The following KLHDC4 variants were observed in gnomAD, a reference collection of about 807,000 sequenced individuals.
The protein encoded by KLHDC4 is kelch domain-containing protein 4.
A neutral mutation model predicts 62.4 loss-of-function variants in KLHDC4; 90 were observed. The ratio of observed to expected loss-of-function variants is 1.44; its 90% CI spans 1.22 to 1.72. KLHDC4 has a LOEUF of 1.72. KLHDC4 is among the 40% of genes most tolerant of loss of function. The pLI is 0.00. For missense variants in KLHDC4, 1,025 were observed against 699.7 expected (o/e 1.47, Z -5.25); for synonymous variants, 386 against 284.4 (o/e 1.36, Z -3.59).
At position 87,719,994 on chromosome 16, in the gene KLHDC4, CCT is replaced by C. The variant is rs914840781; in HGVS notation, c.760-5423_760-5422del. Reference sequence around the variant, plus strand: ...CCTAGCTTAGCCTGCAGCCACATCCCCTGATGAGACCCCACCTCCCGCAGAAG... The same window carrying C: ...CCTAGCTTAGCCTGCAGCCACATCCCGATGAGACCCCACCTCCCGCAGAAG... On this transcript the variant is annotated intron_variant, in intron 7 of 11. Coordinates refer to ENST00000270583, the MANE Select transcript of KLHDC4 (RefSeq NM_017566.4). Among the ~76,000 whole-genome samples, 82 of 152,354 alleles carry C rather than the reference CCT, an allele frequency of 5.4e-4. 1 individual carries two copies. Among genetic ancestry groups the C allele is most frequent in the African/African-American group, 1.9e-3 (81 of 41,578 alleles).
chr16:87,742,881 G>A (rs183979094), intron 5 of KLHDC4: 3 of 152,346 alleles, frequency 2.0e-5, no homozygotes, highest in African/African-American at 4.8e-5. Context: ...ATCAGGGAAG[G>A]GAAGACTCAT....
intron 6 of KLHDC4, among the ~76,000 whole-genome samples, chr16:87,728,819 A>C (rs1339456493): frequency 6.6e-6 from 1 of 152,136 alleles, no homozygotes; most frequent in Non-Finnish European, 1.5e-5. Flanking sequence ...TCTCTACTAA[A>C]AATACAAAAA....
intron 7 of KLHDC4, among the ~76,000 whole-genome samples, chr16:87,724,122 G>C (rs1487001546): frequency 6.6e-6 from 1 of 152,220 alleles, no homozygotes; most frequent in Non-Finnish European, 1.5e-5. Context: ...ACAGGCGTGA[G>C]CCACTGTGCT....
chr16:87,721,481 G>C (rs551357475), intron 7 of KLHDC4, among the ~76,000 whole-genome samples: 1 of 150,490 alleles, frequency 6.6e-6, no homozygotes, highest in Non-Finnish European at 1.5e-5. Flanking sequence ...GCGTGTGCTG[G>C]AACATGAGTA....
intron 5 of KLHDC4, among the ~76,000 whole-genome samples, chr16:87,740,408 T>C (rs1051215389): frequency 6.6e-6 from 1 of 152,210 alleles, no homozygotes; most frequent in African/African-American, 2.4e-5. Context: ...AACCCTACTT[T>C]GGGGGTTCCC....
chr16:87,726,778 C>A lies in KLHDC4; in HGVS notation c.746G>T (p.Gly249Val), dbSNP rs763616494. 4 of 1,588,940 alleles carry A rather than the reference C, an allele frequency of 2.5e-6. No individual in the cohort carries two copies. Among genetic ancestry groups the A allele is most frequent in the Non-Finnish European group, 3.4e-6 (4 of 1,170,116 alleles). Residue 249 changes from glycine to valine, a missense_variant, in exon 7 of 12, where the codon GGC (glycine) becomes GTC (valine). Transcript: ENST00000270583. ...CCCCCGCCTTACCTGTTTCGAGTAGCCCCCATAGACGACGATGCCGCCCTG... is the reference window on the plus strand; with the variant it reads ...CCCCCGCCTTACCTGTTTCGAGTAGACCCCATAGACGACGATGCCGCCCTG... ...TPQGGIVVYG[G>V]YSKQRVKKDV...
chr16:87,765,304 C>T (rs777173080), intron 1 of KLHDC4: 3 of 456,184 alleles, frequency 6.6e-6, no homozygotes, highest in African/African-American at 4.0e-5. Flanking sequence ...CCATCTGCTG[C>T]TCACTGCTCA....
At position 87,730,651 on chromosome 16, in the gene KLHDC4, T is replaced by A. The variant is rs754504334; in HGVS notation, c.507-7A>T. On this transcript the variant is annotated splice_region_variant and splice_polypyrimidine_tract_variant and intron_variant, in intron 5 of 11. Transcript: ENST00000270583. Reference sequence around the variant, plus strand: ...CGAAGGACCGCCTGTTGATCTAAAATGAAATAAACAAAAAGACACTATCAA... The same window carrying A: ...CGAAGGACCGCCTGTTGATCTAAAAAGAAATAAACAAAAAGACACTATCAA... 2.5e-6 allele frequency: 4 copies of A among 1,610,290 alleles called. No homozygotes were observed. The highest frequency in any genetic ancestry group is 2.2e-5 in the South Asian group (2 of 90,222).
chr16:87,708,485 C>A lies in KLHDC4; in HGVS notation c.1448-19G>T, dbSNP rs201995794. 4.4e-6 allele frequency: 7 copies of A among 1,580,066 alleles called. No homozygotes were observed. In the Admixed American group the frequency reaches 1.0e-4, roughly 23 times the overall value. On this transcript the variant is annotated intron_variant, in intron 10 of 11. Coordinates refer to ENST00000270583, the MANE Select transcript of KLHDC4 (RefSeq NM_017566.4). ...TGAGTTTCTTCAAAAGCAGAATGAA[C>A]GCACATACACGTCAGCGCAGCTGAG...
chr16:87,721,191 C>T (rs370342739), intron 7 of KLHDC4, among the ~76,000 whole-genome samples: 24 of 152,270 alleles, frequency 1.6e-4, no homozygotes, highest in East Asian at 5.8e-4. Flanking sequence ...GAGGCCGAGA[C>T]GGGCGGATCA....
intron 5 of KLHDC4, among the ~76,000 whole-genome samples, chr16:87,747,132 C>G (rs1033128477): frequency 6.6e-6 from 1 of 152,328 alleles, no homozygotes; most frequent in African/African-American, 2.4e-5. Flanking sequence ...CCTGAAGGCA[C>G]GAGAGAGCCC....
At chr16:87,730,991 A>G (rs2040252266) in intron 5 of KLHDC4, 2 of 172,822 alleles carry the variant, frequency 1.2e-5, no homozygotes, top group South Asian at 2.7e-4. Context: ...AGACAGAGAA[A>G]TATCTTGAAA....
chr16:87,720,656 G>C (rs375113664), intron 7 of KLHDC4, among the ~76,000 whole-genome samples: 10 of 152,232 alleles, frequency 6.6e-5, no homozygotes, highest in Non-Finnish European at 1.3e-4. Context: ...ACCACGTGTC[G>C]CGAGAGCAGC....
rs912489518 is a variant in KLHDC4 at position 87,721,865 on chromosome 16, G to A, written c.759+4900C>T. 3.3e-5 allele frequency among the ~76,000 whole-genome samples: 5 copies of A among 152,112 alleles called. No individual in the cohort carries two copies. In the East Asian group the frequency reaches 7.8e-4, roughly 24 times the overall value. On this transcript the variant is annotated intron_variant, in intron 7 of 11. Transcript: ENST00000270583. ...AAACGCAGGCAGGAAGGAGGGCCCC[G>A]TCCTCAGCAGGACTCCGCCCCTCGC...
chr16:87,744,576 G>A (rs1258657010), intron 5 of KLHDC4, among the ~76,000 whole-genome samples: 7 of 140,004 alleles, frequency 5.0e-5, no homozygotes, highest in Admixed American at 7.6e-5. Flanking sequence ...GAGCTAGACT[G>A]TCTCAGAAAA....
chr16:87,714,502 T>TC lies in KLHDC4; in HGVS notation c.830dup (p.Glu278ArgfsTer40). On this transcript the variant is annotated frameshift_variant, in exon 8 of 12. Coordinates refer to ENST00000270583, the MANE Select transcript of KLHDC4 (RefSeq NM_017566.4). LOFTEE classifies it high-confidence loss of function. The stretch of plus-strand genomic sequence containing the variant: ...CTGGAGGCACAGCACCTCTACCTTC[T>TC]CTTCCGTCCTCTGGCTTCAGCAGGA... 2 of 1,614,144 alleles carry TC rather than the reference T, an allele frequency of 1.2e-6. No individual in the cohort carries two copies.
At chr16:87,715,611 G>C (rs1189611722) in intron 7 of KLHDC4, among the ~76,000 whole-genome samples, 2 of 152,122 alleles carry the variant, frequency 1.3e-5, no homozygotes, top group African/African-American at 4.8e-5. Flanking sequence ...GAGTTTTATA[G>C]AGTGCCCCTC....
chr16:87,741,435 A>G lies in KLHDC4; in HGVS notation c.506+7238T>C, dbSNP rs77675736. 7.8e-3 allele frequency among the ~76,000 whole-genome samples: 1,183 copies of G among 152,294 alleles called. 24 individuals carry two copies. The highest frequency in any genetic ancestry group is 0.027 in the African/African-American group (1,134 of 41,572). Reference sequence around the variant, plus strand: ...GCAGCATTAGACTCTCACAGGAGTGAGAACCCTGTTGTGGGCTGCACACAC... The same window carrying G: ...GCAGCATTAGACTCTCACAGGAGTGGGAACCCTGTTGTGGGCTGCACACAC... On this transcript the variant is annotated intron_variant, in intron 5 of 11. Coordinates refer to ENST00000270583, the MANE Select transcript of KLHDC4 (RefSeq NM_017566.4).
intron 8 of KLHDC4, among the ~76,000 whole-genome samples, 168 bp from the exon 9 acceptor site, chr16:87,711,611 C>T (rs988321718): frequency 1.3e-5 from 2 of 152,228 alleles, no homozygotes; most frequent in Non-Finnish European, 2.9e-5. Flanking sequence ...CACCATTCAA[C>T]TCCCCTCGAG....
Sources: gnomAD v4.1 joint callset for allele counts (sites outside exome capture counted in the v4.1 genomes callset) on GRCh38, gnomAD v4.1.1 for gene constraint, MANE v1.5 for transcripts, NCBI Gene and HGNC (gene_info 2026-07-23, HGNC 2026-07-21) for gene names.